Variants in FNBP1 observed in about 807,000 individuals in gnomAD.
FNBP1 encodes the protein formin-binding protein 1.
FNBP1 carries 26 observed loss-of-function variants against 90.6 expected under a neutral mutation model. The ratio of observed to expected loss-of-function variants is 0.29; its 90% confidence interval spans 0.21 to 0.40. FNBP1 has a LOEUF of 0.40. Ranked by LOEUF, FNBP1 falls within the 10% of genes least tolerant of loss-of-function variation. The pLI, the probability that FNBP1 is intolerant of heterozygous loss-of-function variation, is 1.00. For synonymous variants in FNBP1, 260 were observed against 265.2 expected (o/e 0.98, Z 0.19); for missense variants, 635 against 768.0 (o/e 0.83, Z 2.05).
At chr9:129,939,462 A>G (rs1448594033) in intron 6 of FNBP1, among the ~76,000 whole-genome samples, 4 of 152,164 alleles carry the variant, frequency 2.6e-5, no homozygotes. Flanking sequence ...TAAATATGTA[A>G]GACTATAAGC....
Position 129,887,483 on chromosome 9 carries a change from G to A in FNBP1, c.*3056C>T, listed in dbSNP as rs1462670998. 9.9e-6 allele frequency: 2 copies of A among 202,838 alleles called. No individual in the cohort carries two copies. Among genetic ancestry groups the A allele is most frequent in the Non-Finnish European group, 2.0e-5 (2 of 98,766 alleles). The allele number at this position is 202,838 out of a possible 1,614,324, so 12.6% of individuals were successfully genotyped here. On this transcript the variant is annotated 3_prime_UTR_variant, in exon 17 of 17. Coordinates refer to ENST00000446176, the MANE Select transcript of FNBP1 (RefSeq NM_015033.3). ...AGGAGGCAGAGCCAATAAGAAACAT[G>A]AAACCAATATTTCTGGAAAAACACT...
At chr9:130,029,054 T>C (rs942989844) in intron 1 of FNBP1, among the ~76,000 whole-genome samples, 1 of 152,216 alleles carries the variant, frequency 6.6e-6, no homozygotes, top group South Asian at 2.1e-4. Context: ...TAAATACAGA[T>C]TACATATAAG....
the FNBP1 span, among the ~76,000 whole-genome samples, chr9:130,051,490 T>C: frequency 6.6e-6 from 1 of 152,156 alleles, no homozygotes; most frequent in Non-Finnish European, 1.5e-5. Flanking sequence ...CACTACACAT[T>C]CTAGTAGCAA....
At chr9:130,027,077 G>A (rs945158502) in intron 1 of FNBP1, among the ~76,000 whole-genome samples, 2 of 152,122 alleles carry the variant, frequency 1.3e-5, no homozygotes, top group Admixed American at 6.6e-5. Flanking sequence ...AATTTGGGGG[G>A]GAAATGGCAA....
At chr9:129,933,294 C>T (rs993751779) in intron 6 of FNBP1, among the ~76,000 whole-genome samples, 8 of 152,218 alleles carry the variant, frequency 5.3e-5, no homozygotes, top group South Asian at 2.1e-4. Context: ...AATCCACTCA[C>T]GCCAATATTT....
intron 12 of FNBP1, among the ~76,000 whole-genome samples, chr9:129,905,950 C>A (rs2037977030): frequency 6.7e-6 from 1 of 150,046 alleles, no homozygotes; most frequent in South Asian, 2.1e-4. Flanking sequence ...ATGGCGCGAT[C>A]TCAGCTCACT....
At chr9:129,991,880 C>T (rs1442896626) in intron 2 of FNBP1, among the ~76,000 whole-genome samples, 3 of 151,898 alleles carry the variant, frequency 2.0e-5, no homozygotes, top group African/African-American at 2.4e-5. Context: ...AGGATGGTCT[C>T]GATCTCCTGA....
chr9:129,959,460 G>C (rs1244354041), intron 4 of FNBP1, among the ~76,000 whole-genome samples: 4 of 151,878 alleles, frequency 2.6e-5, no homozygotes, highest in African/African-American at 9.7e-5. Context: ...GTGGTGGTGC[G>C]TGCCTGTAAT....
At position 129,887,275 on chromosome 9, in the gene FNBP1, T is replaced by C. The variant is rs1267766082; in HGVS notation, c.*3264A>G. The stretch of plus-strand genomic sequence containing the variant: ...AGTGGAAGCTCTTTATTTGGTTTAA[T>C]TCCATCTCCAGAGACAAACAGGCAA... On this transcript the variant is annotated 3_prime_UTR_variant, in exon 17 of 17. Coordinates refer to ENST00000446176, the MANE Select transcript of FNBP1 (RefSeq NM_015033.3). The C allele has an allele frequency of 1.6e-5, 3 of 190,782 alleles. No individual in the cohort carries two copies. The highest frequency in any genetic ancestry group is 3.3e-5 in the Non-Finnish European group (3 of 90,904). The allele number at this position is 190,782 out of a possible 1,614,324, so 11.8% of individuals were successfully genotyped here. A position where few individuals can be genotyped will look rare whatever the true frequency, so the allele number is the denominator to read the frequency against.
intron 6 of FNBP1, among the ~76,000 whole-genome samples, chr9:129,951,360 C>A (rs918489067): frequency 3.3e-5 from 5 of 152,074 alleles, no homozygotes. Flanking sequence ...TCCCAAAGTG[C>A]TAGGATGACA....
intron 16 of FNBP1, among the ~76,000 whole-genome samples, chr9:129,893,612 CAAAAA>C (rs1216398298): frequency 0.013 from 294 of 22,306 alleles, 7 homozygotes; most frequent in African/African-American, 0.048. Context: ...GACTCTGTCT[CAAAAA>C]AAAAAAAAAA....
In FNBP1 at chr9:129,957,488, T is replaced by C. The variant is rs1315155947; in HGVS notation, c.409-24A>G. 1 of 1,530,328 alleles carries C rather than the reference T, an allele frequency of 6.5e-7. No individual in the cohort carries two copies. The highest frequency in any genetic ancestry group is 9.0e-7 in the Non-Finnish European group (1 of 1,105,120). The allele number at this position is 1,530,328 out of a possible 1,614,324, so 94.8% of individuals were successfully genotyped here. A position where few individuals can be genotyped will look rare whatever the true frequency, so the allele number is the denominator to read the frequency against. On this transcript the variant is annotated intron_variant, in intron 5 of 16. Coordinates refer to ENST00000446176, the MANE Select transcript of FNBP1 (RefSeq NM_015033.3). The surrounding 1 kb of genome is among the most constrained non-coding windows in gnomAD (Gnocchi z 4.3). ...CTCTAAAATCAGAGGAAAATAATTATGAAACCATAAGAGTCCTACGAGAAG... is the reference window on the plus strand; with the variant it reads ...CTCTAAAATCAGAGGAAAATAATTACGAAACCATAAGAGTCCTACGAGAAG...
In FNBP1 at chr9:130,043,103, G is replaced by A; in HGVS notation, c.-128C>T. ...GCCCGGAGTCCGCGCGGCCTCCTCC[G>A]GCTCGCAGCTCCTCGCCCGGGGTCT... is the stretch of plus-strand genomic sequence containing the variant. On this transcript the variant is annotated 5_prime_UTR_variant, in exon 1 of 17. Transcript: ENST00000446176. The A allele has an allele frequency of 2.5e-6, 2 of 795,416 alleles. No individual in the cohort carries two copies. Among genetic ancestry groups the A allele is most frequent in the Non-Finnish European group, 3.4e-6 (2 of 592,998 alleles). The allele number at this position is 795,416 out of a possible 1,614,324, so 49.3% of individuals were successfully genotyped here.
chr9:130,043,160 A>C lies in FNBP1; in HGVS notation c.-185T>G. The C allele has an allele frequency of 2.5e-6, 1 of 407,380 alleles. No individual in the cohort carries two copies. The highest frequency in any genetic ancestry group is 4.1e-6 in the Non-Finnish European group (1 of 241,806). 25.2% of individuals were successfully genotyped at this position (407,380 alleles called of 1,614,324 possible). On this transcript the variant is annotated 5_prime_UTR_variant, in exon 1 of 17. Coordinates refer to ENST00000446176, the MANE Select transcript of FNBP1 (RefSeq NM_015033.3). Reference sequence around the variant, plus strand: ...CGGCTCCTCCTCCCCGCCGCTCCACAGCAAAATGGCCCGAGGAAGCAGCAG... The same window carrying C: ...CGGCTCCTCCTCCCCGCCGCTCCACCGCAAAATGGCCCGAGGAAGCAGCAG...
intron 1 of FNBP1, among the ~76,000 whole-genome samples, chr9:130,011,163 C>T (rs1324213185): frequency 1.6e-5 from 2 of 122,400 alleles, no homozygotes; most frequent in Admixed American, 2.1e-4. Flanking sequence ...TTGCAGTGAG[C>T]TGAGATGGTG....
At chr9:129,904,536 C>T (rs2037602342) in intron 12 of FNBP1, among the ~76,000 whole-genome samples, 1 of 152,058 alleles carries the variant, frequency 6.6e-6, no homozygotes, top group African/African-American at 2.4e-5. Context: ...GGCCAAAAGA[C>T]AAACCAAAAG....
At chr9:129,909,022 G>C in intron 11 of FNBP1, 23 bp from the exon 12 acceptor site, 2 of 1,538,790 alleles carry the variant, frequency 1.3e-6, no homozygotes, top group Non-Finnish European at 1.8e-6. Flanking sequence ...ATATAAATGA[G>C]AAACCAGAAA....
intron 16 of FNBP1, among the ~76,000 whole-genome samples, chr9:129,892,068 C>T (rs2035152317): frequency 6.6e-6 from 1 of 152,104 alleles, no homozygotes; most frequent in Non-Finnish European, 1.5e-5. Context: ...ACCTAGCTCC[C>T]CATGCGAGAG....
chr9:129,941,384 A>G (rs113250182), intron 6 of FNBP1, among the ~76,000 whole-genome samples: 15,230 of 152,170 alleles, frequency 0.1, 859 homozygotes, highest in African/African-American at 0.16. Flanking sequence ...GCGAGACGCC[A>G]TCTTAAATAA....
Sources: allele counts gnomAD v4.1 joint callset (sites outside exome capture counted in the v4.1 genomes callset), GRCh38; gene constraint gnomAD v4.1.1; non-coding constraint Gnocchi (gnomAD v3.1); transcripts MANE v1.5; gene names NCBI Gene and HGNC (gene_info 2026-07-23, HGNC 2026-07-21).